DRD3: variants seen among roughly 807,000 people sequenced by gnomAD.
DRD3 encodes dopamine receptor D3, also known as D(3) dopamine receptor.
A neutral mutation model predicts 36.3 loss-of-function variants in DRD3; 19 were observed. The observed-to-expected ratio is 0.52, with a 90% CI of 0.36 to 0.77. The LOEUF (loss-of-function observed/expected upper bound fraction) is 0.77. DRD3 is among the 30% of genes least tolerant of loss of function. The probability of loss-of-function intolerance (pLI) is 0.00; values close to 1 mark genes in which losing one functional copy is unlikely to be tolerated. For missense variants in DRD3, 465 were observed against 505.3 expected, an observed-to-expected ratio of 0.92 and a Z score of 0.77; for synonymous variants, 195 against 203.7, an observed-to-expected ratio of 0.96 and a Z score of 0.36.
chr3:114,160,715 G>A (rs167770), intron 2 of DRD3, among the ~76,000 whole-genome samples: 92,608 of 152,032 alleles, frequency 0.61, 29,926 homozygotes, highest in East Asian at 0.72. Flanking sequence ...TGTAAAGCTT[G>A]GAAACATTCT....
chr3:114,128,591 G>C lies in DRD3; in HGVS notation c.*125C>G, dbSNP rs1488092792. 1 of 954,800 alleles carries C rather than the reference G, an allele frequency of 1.0e-6. No homozygotes were observed. Among genetic ancestry groups the C allele is most frequent in the African/African-American group, 1.6e-5 (1 of 60,782 alleles). The allele number at this position is 954,800 out of a possible 1,614,324, so 59.1% of individuals were successfully genotyped here. ...CACATCTGGTTATACCTGACAAGCA[G>C]GGACATCCTGGCTCCAGGAATCTTC... On this transcript the variant is annotated 3_prime_UTR_variant, in exon 7 of 7. Transcript: ENST00000383673.
intron 3 of DRD3, among the ~76,000 whole-genome samples, chr3:114,158,075 C>T (rs2077698848): frequency 6.6e-6 from 1 of 151,834 alleles, no homozygotes; most frequent in Non-Finnish European, 1.5e-5. Flanking sequence ...GCACTCCAGC[C>T]TGGACAACAA....
chr3:114,186,056 C>G (rs2077973538), intron 1 of DRD3, among the ~76,000 whole-genome samples: 1 of 152,162 alleles, frequency 6.6e-6, no homozygotes, highest in South Asian at 2.1e-4. Context: ...AAGGATCAGC[C>G]TGACGTGCAA....
chr3:114,175,617 T>C (rs1577623707), intron 1 of DRD3, among the ~76,000 whole-genome samples: 1 of 152,184 alleles, frequency 6.6e-6, no homozygotes, highest in East Asian at 1.9e-4. Context: ...ACCCACCTTC[T>C]GCTATAAAGG....
intron 6 of DRD3, among the ~76,000 whole-genome samples, chr3:114,130,710 A>G (rs2077422034): frequency 6.6e-6 from 1 of 152,230 alleles, no homozygotes; most frequent in Non-Finnish European, 1.5e-5. Context: ...GGCTTGAGCC[A>G]TCATGCCCGG....
intron 1 of DRD3, among the ~76,000 whole-genome samples, chr3:114,196,970 AT>A (rs1016485908): frequency 3.4e-5 from 5 of 147,462 alleles, no homozygotes; most frequent in Non-Finnish European, 6.0e-5. Flanking sequence ...ATTTATTTTT[AT>A]TTTTTTCTTT....
intron 4 of DRD3, among the ~76,000 whole-genome samples, chr3:114,146,365 A>G (rs1334274062): frequency 6.6e-6 from 1 of 152,308 alleles, no homozygotes; most frequent in East Asian, 1.9e-4. Flanking sequence ...CACGCAGTGT[A>G]TATTGTCAAT....
intron 1 of DRD3, among the ~76,000 whole-genome samples, chr3:114,184,786 A>ACTC (rs2077966601): frequency 6.6e-6 from 1 of 152,050 alleles, no homozygotes; most frequent in Non-Finnish European, 1.5e-5. Context: ...CTGGTCTCGA[A>ACTC]CTCCTGAATT....
Position 114,171,846 on chromosome 3 carries a change from C to T in DRD3, c.147G>A (p.Leu49=). The change falls in exon 2 of 7, where the codon CTG becomes CTA. Residue 49 remains leucine, a synonymous_variant. Transcript: ENST00000383673. ...LILAIVFGNG[L]VCMAVLKERA... is the part of the protein sequence containing the mutation. The stretch of plus-strand genomic sequence containing the variant: ...GCTCCTTCAGCACAGCCATGCACAC[C>T]AGGCCATTGCCGAAGACGATGGCCA... 1.9e-6 allele frequency: 3 copies of T among 1,613,868 alleles called. No homozygotes were observed. The highest frequency in any genetic ancestry group is 2.5e-6 in the Non-Finnish European group (3 of 1,179,880).
intron 3 of DRD3, among the ~76,000 whole-genome samples, chr3:114,156,306 A>G (rs1203235188): frequency 6.6e-6 from 1 of 152,132 alleles, no homozygotes; most frequent in Non-Finnish European, 1.5e-5. Context: ...ACTTGTTCCT[A>G]TTATGCCAGA....
At chr3:114,188,581 G>T (rs2077988339) in intron 1 of DRD3, among the ~76,000 whole-genome samples, 1 of 152,176 alleles carries the variant, frequency 6.6e-6, no homozygotes, top group African/African-American at 2.4e-5. Flanking sequence ...CAATATGGCT[G>T]CACCAGCTAC....
intron 3 of DRD3, among the ~76,000 whole-genome samples, chr3:114,157,291 C>T (rs893038949): frequency 2.6e-5 from 4 of 152,006 alleles, no homozygotes; most frequent in South Asian, 2.1e-4. Flanking sequence ...TGACCTCAAA[C>T]GATCCTCTTG....
intron 3 of DRD3, among the ~76,000 whole-genome samples, chr3:114,149,372 T>A (rs1278649867): frequency 1.3e-5 from 2 of 152,176 alleles, no homozygotes; most frequent in Non-Finnish European, 2.9e-5. Flanking sequence ...CATTTATTTA[T>A]CCACCTATCC....
rs1008571416 is a variant in DRD3 at position 114,127,626 on chromosome 3, C to T, written c.*1090G>A. Among the ~76,000 whole-genome samples the T allele has an allele frequency of 3.3e-5, 5 of 152,176 alleles. No homozygotes were observed. The highest frequency in any genetic ancestry group is 6.5e-5 in the Admixed American group (1 of 15,280). ...CATTTATTATCAATATTAAGTATTA[C>T]GTACTGTACACAATTGTATACTTTT... On this transcript the variant is annotated 3_prime_UTR_variant, in exon 7 of 7. Coordinates refer to ENST00000383673, the MANE Select transcript of DRD3 (RefSeq NM_000796.6).
intron 1 of DRD3, among the ~76,000 whole-genome samples, chr3:114,198,500 A>G (rs1459336423): frequency 1.3e-5 from 2 of 152,244 alleles, no homozygotes; most frequent in East Asian, 1.9e-4. Context: ...TGCTTTTTAT[A>G]GATTGATTTC....
intron 3 of DRD3, among the ~76,000 whole-genome samples, chr3:114,153,305 A>G (rs1462584529): frequency 6.6e-6 from 1 of 152,174 alleles, no homozygotes; most frequent in Non-Finnish European, 1.5e-5. Flanking sequence ...GATTAATACT[A>G]AACATTCAAA....
chr3:114,180,183 T>C (rs2077938985), upstream of DRD3, among the ~76,000 whole-genome samples: 1 of 152,022 alleles, frequency 6.6e-6, no homozygotes, highest in Non-Finnish European at 1.5e-5. Context: ...GTAATAATAA[T>C]ATTAATAATA....
At chr3:114,155,369 G>T (rs1412303068) in intron 3 of DRD3, among the ~76,000 whole-genome samples, 1 of 152,074 alleles carries the variant, frequency 6.6e-6, no homozygotes, top group Non-Finnish European at 1.5e-5. Flanking sequence ...GCCAAGAAGG[G>T]AGCTTCGTTT....
chr3:114,135,114 AC>A (rs939029938), intron 5 of DRD3, among the ~76,000 whole-genome samples: 1 of 151,912 alleles, frequency 6.6e-6, no homozygotes, highest in Admixed American at 6.6e-5. Flanking sequence ...GTAACCATGA[AC>A]CTACTCTCTA....
Sources: allele counts gnomAD v4.1 joint callset (sites outside exome capture counted in the v4.1 genomes callset), GRCh38; gene constraint gnomAD v4.1.1; transcripts MANE v1.5; gene names NCBI Gene and HGNC (gene_info 2026-07-23, HGNC 2026-07-21).